The following PLCB1 variants were observed in gnomAD, a reference collection of about 807,000 sequenced individuals.
PLCB1 encodes phospholipase C beta 1.
PLCB1 carries 46 observed loss-of-function variants against 161.8 expected under a neutral mutation model. The ratio of observed to expected loss-of-function variants is 0.28; its 90% CI spans 0.22 to 0.36. The LOEUF is 0.36. PLCB1 is among the 10% of genes least tolerant of loss of function. PLCB1 has a pLI of 1.00. For synonymous variants in PLCB1, 517 were observed against 503.7 expected, an observed-to-expected ratio of 1.03 and a Z score of -0.35; for missense variants, 1,016 against 1,472.5, an observed-to-expected ratio of 0.69 and a Z score of 5.07.
chr20:8,418,215 C>T (rs919938051), intron 3 of PLCB1, among the ~76,000 whole-genome samples: 4 of 152,306 alleles, frequency 2.6e-5, no homozygotes, highest in Admixed American at 2.0e-4. Context: ...GTAGATGCAA[C>T]AGCAACAATC....
At chr20:8,571,949 C>T (rs1460933263) in intron 3 of PLCB1, among the ~76,000 whole-genome samples, 1 of 152,084 alleles carries the variant, frequency 6.6e-6, no homozygotes, top group African/African-American at 2.4e-5. Context: ...TAAAATAGAA[C>T]ACTTTTCTTT....
intron 3 of PLCB1, among the ~76,000 whole-genome samples, chr20:8,475,840 T>C (rs1982254693): frequency 6.6e-6 from 1 of 152,228 alleles, no homozygotes; most frequent in Admixed American, 6.5e-5. Context: ...GTAAAGAGTA[T>C]ATGCTATTTT....
chr20:8,645,305 AAAAAAAAAT>A (rs57658660), intron 4 of PLCB1, among the ~76,000 whole-genome samples: 13,884 of 127,320 alleles, frequency 0.11, 1,274 homozygotes, highest in African/African-American at 0.28. Context: ...AATGATCAAT[AAAAAAAAAT>A]AAAAAAAATA....
chr20:8,731,651 C>CATAAATGTG (rs1356091170), intron 18 of PLCB1, among the ~76,000 whole-genome samples: 1 of 151,944 alleles, frequency 6.6e-6, no homozygotes, highest in East Asian at 1.9e-4. Flanking sequence ...ATTTTTCAGA[C>CATAAATGTG]ATAAATGTGA....
chr20:8,548,573 T>C (rs1985657299), intron 3 of PLCB1, among the ~76,000 whole-genome samples: 1 of 152,082 alleles, frequency 6.6e-6, no homozygotes. Context: ...ACTATCTATG[T>C]TTTTGTCTAT....
chr20:8,661,132 C>T (rs1021030362), intron 9 of PLCB1, among the ~76,000 whole-genome samples: 1 of 152,014 alleles, frequency 6.6e-6, no homozygotes, highest in African/African-American at 2.4e-5. Flanking sequence ...CCTCAGGTGT[C>T]GTTGTCCATT....
At chr20:8,638,305 G>A (rs1227466456) in intron 4 of PLCB1, among the ~76,000 whole-genome samples, 2 of 152,078 alleles carry the variant, frequency 1.3e-5, no homozygotes, top group Non-Finnish European at 2.9e-5. Context: ...TTTTTAATGA[G>A]TGGATCAAGA....
chr20:8,289,762 A>T (rs1175504218), intron 2 of PLCB1, among the ~76,000 whole-genome samples: 2 of 152,146 alleles, frequency 1.3e-5, no homozygotes, highest in African/African-American at 4.8e-5. Flanking sequence ...CGGAATCTTG[A>T]ACGAGCATGA....
chr20:8,581,068 A>G (rs763502236), intron 3 of PLCB1, among the ~76,000 whole-genome samples: 2 of 152,234 alleles, frequency 1.3e-5, no homozygotes, highest in South Asian at 2.1e-4. Flanking sequence ...CCCACTAACA[A>G]TAAGGAACAA....
intron 18 of PLCB1, 78 bp from the exon 19 acceptor site, chr20:8,733,160 C>A: frequency 7.0e-7 from 1 of 1,430,114 alleles, no homozygotes. Flanking sequence ...GGACTGGGAT[C>A]AACTTTACTT....
intron 3 of PLCB1, among the ~76,000 whole-genome samples, chr20:8,441,927 T>C (rs963579460): frequency 2.6e-5 from 4 of 152,194 alleles, no homozygotes; most frequent in African/African-American, 9.6e-5. Context: ...TAAATAAATA[T>C]AGAAAACAAG....
At chr20:8,543,938 C>T (rs536798697) in intron 3 of PLCB1, among the ~76,000 whole-genome samples, 24 of 152,254 alleles carry the variant, frequency 1.6e-4, no homozygotes, top group Non-Finnish European at 2.8e-4. Context: ...AAACCTCTTT[C>T]CTTTATAAAT....
rs192097426 is a variant in PLCB1, at chr20:8,857,809, A to G, written c.3424-23813A>G. On this transcript the variant is annotated intron_variant, in intron 31 of 31. Transcript: ENST00000338037. ...GGTCTAGATCTGCCTTTTTCTGATC[A>G]GTGAAGAAACTGACCATCCCTTCTA... Among the ~76,000 whole-genome samples the G allele has an allele frequency of 3.2e-4, 48 of 152,204 alleles. 1 individual carries two copies. Among genetic ancestry groups the G allele is most frequent in the Non-Finnish European group, 7.3e-5 (5 of 68,040 alleles).
intron 9 of PLCB1, among the ~76,000 whole-genome samples, chr20:8,659,667 ACTGGTCCT>A (rs1449023390): frequency 1.3e-5 from 2 of 152,140 alleles, no homozygotes; most frequent in African/African-American, 2.4e-5. Context: ...TTAATCTGGA[ACTGGTCCT>A]CTAAATTGAA....
intron 31 of PLCB1, among the ~76,000 whole-genome samples, chr20:8,862,422 G>A (rs143118567): frequency 3.9e-5 from 6 of 152,190 alleles, no homozygotes; most frequent in African/African-American, 7.2e-5. Context: ...TCTCTTCTCC[G>A]TTTGGAAATA....
At chr20:8,845,229 G>C (rs956305204) in intron 31 of PLCB1, among the ~76,000 whole-genome samples, 3 of 152,180 alleles carry the variant, frequency 2.0e-5, no homozygotes, top group African/African-American at 7.2e-5. Context: ...AGGCAGGAAA[G>C]ATACAGGAAG....
At chr20:8,764,817 T>TCCTGGCTCC (rs2123584634) in intron 25 of PLCB1, among the ~76,000 whole-genome samples, 1 of 152,288 alleles carries the variant, frequency 6.6e-6, no homozygotes, top group South Asian at 2.1e-4. Flanking sequence ...CCGTCTGCTT[T>TCCTGGCTCC]CCTGGCTCCC....
intron 3 of PLCB1, among the ~76,000 whole-genome samples, chr20:8,565,805 A>T (rs1425442005): frequency 6.6e-6 from 1 of 152,076 alleles, no homozygotes; most frequent in Admixed American, 6.6e-5. Flanking sequence ...TTCCTCCTTC[A>T]TGATACCTGC....
intron 2 of PLCB1, among the ~76,000 whole-genome samples, chr20:8,191,175 A>G (rs1257537785): frequency 2.0e-5 from 3 of 151,730 alleles, no homozygotes; most frequent in South Asian, 2.1e-4. Context: ...TAGTAGGTTT[A>G]TATATTTATG....
Sources: gnomAD v4.1 joint callset for allele counts (sites outside exome capture counted in the v4.1 genomes callset) on GRCh38, gnomAD v4.1.1 for gene constraint, MANE v1.5 for transcripts, NCBI Gene and HGNC (gene_info 2026-07-23, HGNC 2026-07-21) for gene names.